Variants in ZFAND3 observed in about 807,000 individuals in gnomAD.
ZFAND3 encodes the protein zinc finger AN1-type containing 3.
A neutral mutation model predicts 29.6 loss-of-function variants in ZFAND3; 10 were observed. The observed-to-expected ratio is 0.34, with a 90% CI of 0.21 to 0.57. The LOEUF (loss-of-function observed/expected upper bound fraction) is 0.57, where lower values mean the gene tolerates loss of function less well. Ranked by LOEUF, ZFAND3 falls within the 20% of genes least tolerant of loss-of-function variation. ZFAND3 has a pLI of 0.86. For missense variants in ZFAND3, 230 were observed against 304.5 expected (o/e 0.76, Z 1.82); for synonymous variants, 128 against 112.6 (o/e 1.14, Z -0.87).
At chr6:38,135,756 A>C (rs1765829052) in intron 5 of ZFAND3, among the ~76,000 whole-genome samples, 1 of 150,570 alleles carries the variant, frequency 6.6e-6, no homozygotes, top group African/African-American at 2.4e-5. Context: ...ATTAAAAAAA[A>C]AACAAACAAA....
intron 2 of ZFAND3, among the ~76,000 whole-genome samples, chr6:37,982,375 T>TA (rs1389659489): frequency 2.6e-5 from 4 of 152,158 alleles, no homozygotes; most frequent in Admixed American, 6.5e-5. Flanking sequence ...CAATTATATA[T>TA]ATTTTTATAT....
At chr6:37,920,556 T>C (rs1380889921) in intron 1 of ZFAND3, among the ~76,000 whole-genome samples, 2 of 152,216 alleles carry the variant, frequency 1.3e-5, no homozygotes, top group African/African-American at 2.4e-5. Context: ...TTTGCTCTGC[T>C]GTCCTTGAAT....
rs1467933589 is a variant in ZFAND3 at position 38,041,623 on chromosome 6, ATCTACTTTTTCTTCTTCT to A, written c.113-19966_113-19949del. Among the ~76,000 whole-genome samples, 148 of 102,412 alleles carry A rather than the reference ATCTACTTTTTCTTCTTCT, an allele frequency of 1.4e-3. 2 individuals are homozygous for A. Among genetic ancestry groups the A allele is most frequent in the South Asian group, 2.5e-3 (8 of 3,216 alleles). 67.2% of individuals were successfully genotyped at this position (102,412 alleles called of 152,430 possible). ...TTTGTGATGTCACCACTGTTTTTTT[ATCTACTTTTTCTTCTTCT>A]TCTTCTTCTTCTTCTTCTTCTTCTT... On this transcript the variant is annotated intron_variant, in intron 2 of 5. Transcript: ENST00000287218.
intron 1 of ZFAND3, among the ~76,000 whole-genome samples, chr6:37,826,833 C>T (rs943479065): frequency 6.6e-6 from 1 of 151,970 alleles, no homozygotes; most frequent in Non-Finnish European, 1.5e-5. Context: ...TGGCCATTAG[C>T]TGTAAGTAAT....
chr6:38,098,307 C>T (rs1423731989), intron 4 of ZFAND3, among the ~76,000 whole-genome samples: 1 of 152,048 alleles, frequency 6.6e-6, no homozygotes, highest in Non-Finnish European at 1.5e-5. Flanking sequence ...CCACCGTCCC[C>T]GGCTAATTTT....
intron 3 of ZFAND3, among the ~76,000 whole-genome samples, chr6:38,075,134 G>A (rs1288638704): frequency 1.3e-5 from 2 of 152,140 alleles, no homozygotes; most frequent in Non-Finnish European, 2.9e-5. Context: ...CATGGATTAA[G>A]GAGTCATTTT....
chr6:38,050,861 A>G (rs376180414), intron 2 of ZFAND3, among the ~76,000 whole-genome samples: 1 of 152,148 alleles, frequency 6.6e-6, no homozygotes, highest in Non-Finnish European at 1.5e-5. Flanking sequence ...ACGTGTCTCA[A>G]AAGTTAATAT....
At chr6:37,920,460 G>C (rs535840931) in intron 1 of ZFAND3, among the ~76,000 whole-genome samples, 4 of 151,842 alleles carry the variant, frequency 2.6e-5, no homozygotes, top group Non-Finnish European at 5.9e-5. Flanking sequence ...ATATATACAG[G>C]GCCACAGATG....
chr6:38,144,473 C>G (rs969517057), intron 5 of ZFAND3, among the ~76,000 whole-genome samples: 4 of 152,076 alleles, frequency 2.6e-5, no homozygotes, highest in African/African-American at 9.7e-5. Context: ...AGAACCAGAT[C>G]TACCTGCCTG....
intron 1 of ZFAND3, among the ~76,000 whole-genome samples, chr6:37,870,747 G>T (rs1398432941): frequency 6.6e-6 from 1 of 152,064 alleles, no homozygotes; most frequent in Non-Finnish European, 1.5e-5. Flanking sequence ...GCAGTGGTGC[G>T]ATTATAGCTC....
At chr6:38,078,131 TA>T (rs1186391284) in intron 3 of ZFAND3, among the ~76,000 whole-genome samples, 1 of 152,204 alleles carries the variant, frequency 6.6e-6, no homozygotes, top group East Asian at 1.9e-4. Flanking sequence ...TCTACTACCA[TA>T]TTGCAAATGC....
intron 1 of ZFAND3, among the ~76,000 whole-genome samples, chr6:37,846,589 C>G (rs1764181311): frequency 6.6e-6 from 1 of 152,092 alleles, no homozygotes; most frequent in Non-Finnish European, 1.5e-5. Context: ...GATATTTACT[C>G]CTTAACAGTA....
intron 2 of ZFAND3, among the ~76,000 whole-genome samples, chr6:38,060,775 G>A (rs1764221705): frequency 6.7e-6 from 1 of 150,178 alleles, no homozygotes; most frequent in South Asian, 2.1e-4. Context: ...TATTTGCCAG[G>A]TACATTTTTT....
intron 2 of ZFAND3, among the ~76,000 whole-genome samples, chr6:37,970,626 C>T (rs930355648): frequency 3.3e-5 from 5 of 152,104 alleles, no homozygotes; most frequent in Non-Finnish European, 5.9e-5. Flanking sequence ...TGGGGCCAGG[C>T]GCGCGGTGGC....
chr6:37,962,911 C>T (rs903616560), intron 2 of ZFAND3, among the ~76,000 whole-genome samples: 2 of 152,112 alleles, frequency 1.3e-5, no homozygotes, highest in Non-Finnish European at 2.9e-5. Flanking sequence ...CTGAAGTCAG[C>T]GAGACCACGA....
At chr6:37,870,600 GAAAAAAA>G (rs35350059) in intron 1 of ZFAND3, among the ~76,000 whole-genome samples, 458 of 112,090 alleles carry the variant, frequency 4.1e-3, no homozygotes, top group South Asian at 0.017. Context: ...CTCTGTCTCA[GAAAAAAA>G]AAAAAAAAAA....
At position 37,900,080 on chromosome 6, in the gene ZFAND3, T is replaced by C. The variant is rs916869954; in HGVS notation, c.72-29879T>C. Among the ~76,000 whole-genome samples, 4 of 152,312 alleles carry C rather than the reference T, an allele frequency of 2.6e-5. No homozygotes were observed. In the East Asian group the frequency reaches 7.7e-4, roughly 29 times the overall value. On this transcript the variant is annotated intron_variant, in intron 1 of 5. Coordinates refer to ENST00000287218, the MANE Select transcript of ZFAND3 (RefSeq NM_021943.3). ...TTGGGTAGTGTCATATTATACTCAATAGATTCAGCATACTTTAGTCTCTTT... is the reference window on the plus strand; with the variant it reads ...TTGGGTAGTGTCATATTATACTCAACAGATTCAGCATACTTTAGTCTCTTT...
At chr6:37,885,937 A>G (rs1397782904) in intron 1 of ZFAND3, among the ~76,000 whole-genome samples, 1 of 151,668 alleles carries the variant, frequency 6.6e-6, no homozygotes, top group East Asian at 2.0e-4. Context: ...CAACTGAACA[A>G]CTATTTTAAG....
intron 1 of ZFAND3, among the ~76,000 whole-genome samples, chr6:37,840,140 C>G (rs1272291947): frequency 2.0e-5 from 3 of 151,874 alleles, no homozygotes; most frequent in East Asian, 3.9e-4. Flanking sequence ...TCTTGTTGCC[C>G]AAGCTGGAGT....
Sources: allele counts gnomAD v4.1 joint callset (sites outside exome capture counted in the v4.1 genomes callset), GRCh38; gene constraint gnomAD v4.1.1; transcripts MANE v1.5; gene names NCBI Gene and HGNC (gene_info 2026-07-23, HGNC 2026-07-21).